The following MRTFB variants were observed in gnomAD, a reference collection of about 807,000 sequenced individuals.
MRTFB encodes myocardin-related transcription factor B.
A neutral mutation model predicts 104.2 loss-of-function variants in MRTFB; 29 were observed. That is an observed-to-expected ratio of 0.28 (90% CI 0.21 to 0.38). The LOEUF is 0.38. MRTFB is among the 10% of genes least tolerant of loss of function. The pLI, the probability that MRTFB is intolerant of heterozygous loss-of-function variation, is 1.00. For synonymous variants in MRTFB, 535 were observed against 519.5 expected, an observed-to-expected ratio of 1.03 and a Z score of -0.41; for missense variants, 1,270 against 1,341.6, an observed-to-expected ratio of 0.95 and a Z score of 0.83.
chr16:14,001,800 C>A, the MRTFB span, among the ~76,000 whole-genome samples: 2 of 152,194 alleles, frequency 1.3e-5, no homozygotes, highest in Non-Finnish European at 2.9e-5. Context: ...CCAGAACCTT[C>A]CCCAAGCTTG....
intron 4 of MRTFB, 49 bp downstream of exon 4, chr16:14,210,357 G>A (rs2041139497): frequency 6.9e-7 from 1 of 1,455,242 alleles, no homozygotes; most frequent in South Asian, 1.2e-5. Flanking sequence ...GAACATGACG[G>A]GCGTGTCCAA....
intron 3 of MRTFB, among the ~76,000 whole-genome samples, chr16:14,208,516 C>A (rs1176070210): frequency 6.6e-6 from 1 of 152,140 alleles, no homozygotes; most frequent in Non-Finnish European, 1.5e-5. Context: ...GCTAGAGATT[C>A]TCCAACAGAC....
Position 14,177,094 on chromosome 16 carries a change from A to G in MRTFB, c.155-33149A>G, listed in dbSNP as rs1215465576. ...CAAAAACAAGGACAACACAGAGTGT[A>G]TTAGTGAATACCAAGTAGTTCGAAT... On this transcript the variant is annotated intron_variant, in intron 3 of 16. Coordinates refer to ENST00000571589, the MANE Select transcript of MRTFB (RefSeq NM_001308142.2). This position sits in a 1 kb window ranked among gnomAD's most constrained non-coding sequence, Gnocchi z 4.7. 1.3e-5 allele frequency among the ~76,000 whole-genome samples: 2 copies of G among 152,248 alleles called. No homozygotes were observed. Among genetic ancestry groups the G allele is most frequent in the Non-Finnish European group, 2.9e-5 (2 of 68,046 alleles).
In MRTFB at chr16:14,109,359, G is replaced by C. The variant is rs750521757; in HGVS notation, c.-64+30005G>C. 2.0e-5 allele frequency among the ~76,000 whole-genome samples: 3 copies of C among 152,096 alleles called. No homozygotes were observed. In the South Asian group the frequency reaches 6.2e-4, roughly 32 times the overall value. ...AAGCAAACGGATGTACTCAGTTTAAGTTTCTGAGATGCTTGAAGTGTGTGG... is the reference window on the plus strand; with the variant it reads ...AAGCAAACGGATGTACTCAGTTTAACTTTCTGAGATGCTTGAAGTGTGTGG... On this transcript the variant is annotated intron_variant, in intron 2 of 16. Coordinates refer to ENST00000571589, the MANE Select transcript of MRTFB (RefSeq NM_001308142.2).
At chr16:14,229,659 CTTCT>C in intron 8 of MRTFB, among the ~76,000 whole-genome samples, 1 of 152,206 alleles carries the variant, frequency 6.6e-6, no homozygotes, top group South Asian at 2.1e-4. Flanking sequence ...TTTGCTCTGA[CTTCT>C]GTTTTTTTTA....
chr16:14,102,533 A>C (rs56007264), intron 2 of MRTFB, among the ~76,000 whole-genome samples: 36,019 of 152,158 alleles, frequency 0.24, 7,912 homozygotes, highest in African/African-American at 0.57. Flanking sequence ...AGATAAGAAG[A>C]TATTTACTTT....
chr16:14,200,166 C>T (rs1242894308), intron 3 of MRTFB: 2 of 813,146 alleles, frequency 2.5e-6, no homozygotes, highest in East Asian at 5.4e-5. Flanking sequence ...AAGGATGCCC[C>T]CAAAATGAAT....
intron 3 of MRTFB, among the ~76,000 whole-genome samples, chr16:14,191,457 T>C (rs1056466483): frequency 6.6e-5 from 10 of 152,222 alleles, no homozygotes; most frequent in African/African-American, 2.4e-4. Flanking sequence ...AGTAACTGTA[T>C]CTGTACCATT....
rs1321848257 is a variant in MRTFB at position 14,087,852 on chromosome 16, A to G, written c.-64+8498A>G. Among the ~76,000 whole-genome samples the G allele has an allele frequency of 2.0e-5, 3 of 152,200 alleles. No individual in the cohort carries two copies. The East Asian group carries it at 5.8e-4, about 29-fold the overall frequency. ...TGGGAATTACAATCAGATTGCATCAATCTTTATGGAAAGGTTGCCAATTAT... is the reference window on the plus strand; with the variant it reads ...TGGGAATTACAATCAGATTGCATCAGTCTTTATGGAAAGGTTGCCAATTAT... On this transcript the variant is annotated intron_variant, in intron 2 of 16. Coordinates refer to ENST00000571589, the MANE Select transcript of MRTFB (RefSeq NM_001308142.2).
chr16:14,054,704 G>A, the MRTFB span, among the ~76,000 whole-genome samples: 44 of 152,242 alleles, frequency 2.9e-4, 1 homozygote, highest in South Asian at 8.5e-3. Context: ...CATGTCTGTA[G>A]GTTCACCTTT....
chr16:14,249,552 T>C (rs1180661186), intron 13 of MRTFB, among the ~76,000 whole-genome samples: 1 of 152,208 alleles, frequency 6.6e-6, no homozygotes, highest in Non-Finnish European at 1.5e-5. Context: ...GAAGGTCTTA[T>C]CAATTCCAGT....
At chr16:14,015,748 T>C in the MRTFB span, 2 of 394,908 alleles carry the variant, frequency 5.1e-6, no homozygotes, top group African/African-American at 4.1e-5. Flanking sequence ...AACTTAATAA[T>C]TAAAATGAGA....
At chr16:14,218,227 T>G (rs2041512968) in intron 7 of MRTFB, among the ~76,000 whole-genome samples, 1 of 152,136 alleles carries the variant, frequency 6.6e-6, no homozygotes, top group Non-Finnish European at 1.5e-5. Context: ...CCCGGCTAAT[T>G]TTTTCTATTT....
At chr16:14,140,975 A>T (rs1317780106) in intron 3 of MRTFB, 1 of 502,152 alleles carries the variant, frequency 2.0e-6, no homozygotes, top group African/African-American at 1.9e-5. Flanking sequence ...TTTGGTAGTG[A>T]CGTTACCTTT....
chr16:14,054,716 T>C, the MRTFB span, among the ~76,000 whole-genome samples: 2 of 152,246 alleles, frequency 1.3e-5, no homozygotes, highest in East Asian at 1.9e-4. Flanking sequence ...TTCACCTTTA[T>C]ATCCTCAGAG....
chr16:14,135,304 A>C (rs1188521732), intron 2 of MRTFB, among the ~76,000 whole-genome samples: 1 of 152,246 alleles, frequency 6.6e-6, no homozygotes, highest in African/African-American at 2.4e-5. Context: ...TCTCTTCAAT[A>C]GTACAATCAT....
intron 1 of MRTFB, among the ~76,000 whole-genome samples, chr16:14,076,485 G>C (rs2034064891): frequency 6.6e-6 from 1 of 152,202 alleles, no homozygotes; most frequent in South Asian, 2.1e-4. Flanking sequence ...ATGAGCTACT[G>C]CACCTGGCCC....
chr16:14,246,596 A>C lies in MRTFB; in HGVS notation c.1336A>C (p.Ile446Leu). 6.2e-7 allele frequency: 1 copy of C among 1,614,158 alleles called. No homozygotes were observed. Among genetic ancestry groups the C allele is most frequent in the Non-Finnish European group, 8.5e-7 (1 of 1,180,028 alleles). ...VNSSGLAAGG[I>L]VAVSSSAIVT... ...CAGCAGCGGCCTTGCTGCTGGGGGCATCGTGGCAGTGTCATCATCAGCCAT... is the reference window on the plus strand; with the variant it reads ...CAGCAGCGGCCTTGCTGCTGGGGGCCTCGTGGCAGTGTCATCATCAGCCAT... The change falls in exon 12 of 17, where the codon ATC becomes CTC. Residue 446 changes from isoleucine to leucine, a missense_variant. By Grantham distance (5) the Ile-to-Leu change is conservative (BLOSUM62 2). Around this residue, in one of 3 missense-constraint regions of MRTFB, gnomAD observed 1,144 missense variants for 1,131.5 expected, o/e 1.01. Transcript: ENST00000571589.
chr16:14,153,038 G>T (rs1396756133), intron 3 of MRTFB: 1 of 151,992 alleles, frequency 6.6e-6, no homozygotes, highest in African/African-American at 2.4e-5. Context: ...TAAAATTCAT[G>T]TTATCATATT....
Sources: gnomAD v4.1 joint callset for allele counts (sites outside exome capture counted in the v4.1 genomes callset) on GRCh38, gnomAD v4.1.1 for gene constraint, gnomAD v4.1.1 regional missense constraint, Gnocchi (gnomAD v3.1) non-coding constraint, MANE v1.5 for transcripts, NCBI Gene and HGNC (gene_info 2026-07-23, HGNC 2026-07-21) for gene names.